Variants in DENND4C observed in about 807,000 individuals in gnomAD.
The protein encoded by DENND4C is DENN domain containing 4C.
Under a neutral mutation model 203.0 loss-of-function variants are expected in DENND4C, and 108 were observed. That is an observed-to-expected ratio of 0.53 (90% CI 0.46 to 0.62). DENND4C has a LOEUF of 0.62. DENND4C is among the 20% of genes least tolerant of loss of function. The pLI is 0.00. For synonymous variants in DENND4C, 871 were observed against 792.4 expected (o/e 1.10, Z -1.67); for missense variants, 2,481 against 2,301.2 (o/e 1.08, Z -1.60).
intron 1 of DENND4C, among the ~76,000 whole-genome samples, chr9:19,261,988 G>C (rs1829470725): frequency 6.6e-6 from 1 of 150,376 alleles, no homozygotes; most frequent in South Asian, 2.1e-4. Flanking sequence ...TTTTTCAGAT[G>C]GGTCATTGTT....
intron 1 of DENND4C, among the ~76,000 whole-genome samples, chr9:19,268,349 C>A (rs1386225579): frequency 6.6e-6 from 1 of 152,098 alleles, no homozygotes; most frequent in Non-Finnish European, 1.5e-5. Flanking sequence ...ATCTGCCTAC[C>A]CCCACCTCCC....
At chr9:19,336,474 A>C in intron 19 of DENND4C, 60 bp downstream of exon 19, 1 of 1,542,028 alleles carries the variant, frequency 6.5e-7, no homozygotes, top group Non-Finnish European at 8.7e-7. Flanking sequence ...TAGGCATATG[A>C]ATTTTTAGCT....
rs1312214301 is a variant in DENND4C, at chr9:19,373,804, A to G, written c.*1631A>G. On this transcript the variant is annotated 3_prime_UTR_variant, in exon 33 of 33. Transcript: ENST00000434457. ...CACAGTAAAATTACTTCCATATGGT[A>G]CAGTAACAACCTAACTCCCTTCTAC... Among the ~76,000 whole-genome samples, 3 of 152,224 alleles carry G rather than the reference A, an allele frequency of 2.0e-5. No individual in the cohort carries two copies. The highest frequency in any genetic ancestry group is 2.9e-5 in the Non-Finnish European group (2 of 68,034).
chr9:19,312,565 T>C (rs564766582), intron 10 of DENND4C, among the ~76,000 whole-genome samples: 1 of 152,334 alleles, frequency 6.6e-6, no homozygotes, highest in South Asian at 2.1e-4. Flanking sequence ...TTATGTATTA[T>C]GGGGGTGAGG....
At chr9:19,276,095 A>G (rs1312914611) in intron 1 of DENND4C, 63 bp from the exon 2 acceptor site, 15 of 782,172 alleles carry the variant, frequency 1.9e-5, no homozygotes, top group Non-Finnish European at 2.6e-5. Context: ...ACTCAAGGAT[A>G]TATTAATTTT....
In DENND4C at chr9:19,287,596, C is replaced by G. The variant is rs1389033237; in HGVS notation, c.558+575C>G. On this transcript the variant is annotated intron_variant, in intron 3 of 32. Coordinates refer to ENST00000434457, the MANE Select transcript of DENND4C (RefSeq NM_001330640.2). ...TCTTGACCTTAAGTGATCCACCTCC[C>G]TTGGCCTCCCAAAGTGTTGGAATTA... 2.0e-5 allele frequency among the ~76,000 whole-genome samples: 3 copies of G among 152,102 alleles called. No individual in the cohort carries two copies. In the East Asian group the frequency reaches 5.8e-4, roughly 29 times the overall value.
chr9:19,233,828 C>T (rs1447170954), intron 1 of DENND4C, among the ~76,000 whole-genome samples: 2 of 152,170 alleles, frequency 1.3e-5, no homozygotes, highest in East Asian at 1.9e-4. Context: ...GGTGATCCAC[C>T]TGCCTACGCC....
At chr9:19,343,492 T>G (rs894855914) in intron 22 of DENND4C, among the ~76,000 whole-genome samples, 1 of 152,260 alleles carries the variant, frequency 6.6e-6, no homozygotes, top group Non-Finnish European at 1.5e-5. Flanking sequence ...ATCTATTGTA[T>G]GACTGTACAG....
intron 5 of DENND4C, among the ~76,000 whole-genome samples, chr9:19,294,176 A>G (rs1392376458): frequency 1.3e-5 from 2 of 152,106 alleles, no homozygotes; most frequent in South Asian, 2.1e-4. Flanking sequence ...TGTTAGTATA[A>G]TGATTATAGT....
At chr9:19,251,542 T>C (rs1826598172) in intron 1 of DENND4C, among the ~76,000 whole-genome samples, 1 of 152,194 alleles carries the variant, frequency 6.6e-6, no homozygotes, top group African/African-American at 2.4e-5. Context: ...CCTCAGAAAA[T>C]GGGATTTTCT....
At chr9:19,258,153 CAAG>C (rs985525266) in intron 1 of DENND4C, among the ~76,000 whole-genome samples, 1 of 151,868 alleles carries the variant, frequency 6.6e-6, no homozygotes. Flanking sequence ...ATCTATCAAT[CAAG>C]AAGAAATAGG....
rs55934794 is a variant in DENND4C at position 19,282,559 on chromosome 9, TA to T, written c.306-4194del. 4.9e-3 allele frequency among the ~76,000 whole-genome samples: 667 copies of T among 137,158 alleles called. 2 individuals carry two copies. The highest frequency in any genetic ancestry group is 0.012 in the African/African-American group (460 of 37,108). 90.0% of individuals were successfully genotyped at this position (137,158 alleles called of 152,430 possible). A position where few individuals can be genotyped will look rare whatever the true frequency, so the allele number is the denominator to read the frequency against. On this transcript the variant is annotated intron_variant, in intron 2 of 32. Transcript: ENST00000434457. ...ATGTGCCACCACGCCTGGCAAAAAT[TA>T]AAAAAAAAAAAAAAATAATGGGGTC...
At chr9:19,309,008 G>A (rs1306115944) in intron 10 of DENND4C, among the ~76,000 whole-genome samples, 1 of 152,162 alleles carries the variant, frequency 6.6e-6, no homozygotes, top group African/African-American at 2.4e-5. Flanking sequence ...AATGTCCAAA[G>A]CAGACAAATC....
At chr9:19,362,542 A>C (rs1290486150) in intron 30 of DENND4C, among the ~76,000 whole-genome samples, 1 of 152,126 alleles carries the variant, frequency 6.6e-6, no homozygotes, top group Admixed American at 6.5e-5. Context: ...TGCTGTTAAA[A>C]AAAAAAGTAC....
intron 13 of DENND4C, 61 bp downstream of exon 13, chr9:19,324,568 T>C: frequency 6.6e-7 from 1 of 1,513,198 alleles, no homozygotes; most frequent in South Asian, 1.2e-5. Context: ...TGTGTAATTA[T>C]CATTGTTATT....
intron 1 of DENND4C, among the ~76,000 whole-genome samples, chr9:19,242,821 AT>A (rs1251692763): frequency 6.6e-6 from 1 of 151,690 alleles, no homozygotes; most frequent in East Asian, 1.9e-4. Flanking sequence ...ATGCCCGGCC[AT>A]TTTTTGTATT....
intron 1 of DENND4C, among the ~76,000 whole-genome samples, chr9:19,244,099 C>T (rs12001410): frequency 2.9e-4 from 44 of 152,224 alleles, no homozygotes; most frequent in African/African-American, 8.9e-4. Context: ...GGCGCAATCT[C>T]GGCTCACTGC....
intron 6 of DENND4C, among the ~76,000 whole-genome samples, chr9:19,297,132 C>T (rs767825922): frequency 2.0e-5 from 3 of 152,128 alleles, no homozygotes; most frequent in Admixed American, 1.3e-4. Flanking sequence ...TGCTAACAAA[C>T]TAAAAAGTGT....
chr9:19,371,043 A>G (rs904810056), intron 31 of DENND4C, among the ~76,000 whole-genome samples: 2 of 152,240 alleles, frequency 1.3e-5, no homozygotes, highest in African/African-American at 2.4e-5. Context: ...ACAGGAATGT[A>G]ATATTAGAAA....
Sources: gnomAD v4.1 joint callset for allele counts (sites outside exome capture counted in the v4.1 genomes callset) on GRCh38, gnomAD v4.1.1 for gene constraint, MANE v1.5 for transcripts, NCBI Gene and HGNC (gene_info 2026-07-23, HGNC 2026-07-21) for gene names.